Variants in SHROOM2 observed in about 807,000 individuals in gnomAD.
SHROOM2 encodes shroom family member 2.
Under a neutral mutation model 75.9 loss-of-function variants are expected in SHROOM2, and 33 were observed. The observed-to-expected ratio is 0.43, with a 90% CI of 0.33 to 0.58. SHROOM2 has a LOEUF of 0.58. Ranked by LOEUF, SHROOM2 falls within the 20% of genes least tolerant of loss-of-function variation. The probability of loss-of-function intolerance (pLI) is 0.04; values close to 1 mark genes in which losing one functional copy is unlikely to be tolerated. For synonymous variants in SHROOM2, 655 were observed against 663.6 expected (o/e 0.99, Z 0.20); for missense variants, 1,434 against 1,461.2 (o/e 0.98, Z 0.30).
intron 2 of SHROOM2, among the ~76,000 whole-genome samples, chrX:9,889,487 G>A (rs1006978846): frequency 8.9e-6 from 1 of 111,904 alleles, no homozygotes; most frequent in African/African-American, 3.3e-5. Context: ...CCTACCATGA[G>A]GCTGGAGAAG....
chrX:9,804,558 C>T (rs2083741673), intron 1 of SHROOM2, among the ~76,000 whole-genome samples: 1 of 111,633 alleles, frequency 9.0e-6, no homozygotes, highest in South Asian at 3.7e-4. Flanking sequence ...GGGACCTTAC[C>T]ACTTTGTTAT....
intron 1 of SHROOM2, among the ~76,000 whole-genome samples, chrX:9,792,182 G>T (rs769691120): frequency 1.8e-5 from 2 of 108,818 alleles, no homozygotes; most frequent in East Asian, 5.8e-4. Context: ...CTGATACAGG[G>T]AGGGTGTATT....
chrX:9,886,996 C>T (rs945902442), intron 2 of SHROOM2, among the ~76,000 whole-genome samples: 1 of 112,068 alleles, frequency 8.9e-6, no homozygotes, highest in African/African-American at 3.2e-5. Context: ...CATAATGTTC[C>T]GATTTCAACA....
chrX:9,892,037 ATTGT>A (rs1481450650), intron 3 of SHROOM2, among the ~76,000 whole-genome samples: 1 of 110,129 alleles, frequency 9.1e-6, no homozygotes, highest in African/African-American at 3.3e-5. Flanking sequence ...AGGTGGGAAG[ATTGT>A]TTGAGTTCAA....
intron 1 of SHROOM2, among the ~76,000 whole-genome samples, chrX:9,815,694 G>A (rs1569139989): frequency 9.1e-6 from 1 of 109,590 alleles, no homozygotes; most frequent in Non-Finnish European, 1.9e-5. Context: ...GAGCTGGTCC[G>A]AGTCCCAAAA....
intron 6 of SHROOM2, 106 bp downstream of exon 6, chrX:9,932,976 A>G (rs2084666279): frequency 3.1e-6 from 2 of 640,715 alleles, no homozygotes; most frequent in African/African-American, 4.5e-5. Context: ...CTTTAGCTCA[A>G]GGCGTTGGAC....
At chrX:9,884,761 T>C (rs2084251895) in intron 2 of SHROOM2, among the ~76,000 whole-genome samples, 1 of 110,692 alleles carries the variant, frequency 9.0e-6, no homozygotes, top group Non-Finnish European at 1.9e-5. Flanking sequence ...TGAAGTTTGG[T>C]ATACAATCCA....
chrX:9,847,218 C>T (rs1437022562), intron 1 of SHROOM2, among the ~76,000 whole-genome samples: 4 of 112,377 alleles, frequency 3.6e-5, no homozygotes, highest in Non-Finnish European at 7.5e-5. Flanking sequence ...TGTTGTACCA[C>T]AAACTCTATT....
At chrX:9,918,348 A>C (rs1279410864) in intron 5 of SHROOM2, among the ~76,000 whole-genome samples, 5 of 112,518 alleles carry the variant, frequency 4.4e-5, no homozygotes, top group African/African-American at 1.3e-4. Flanking sequence ...ACAGACTTTT[A>C]TTGCTCACAG....
At chrX:9,863,804 G>A in intron 1 of SHROOM2, among the ~76,000 whole-genome samples, 1 of 110,143 alleles carries the variant, frequency 9.1e-6, no homozygotes. Context: ...TACTAATTTT[G>A]TCAACTATGA....
At chrX:9,902,832 C>A (rs994824881) in intron 5 of SHROOM2, among the ~76,000 whole-genome samples, 1 of 111,679 alleles carries the variant, frequency 9.0e-6, no homozygotes, top group African/African-American at 3.3e-5. Context: ...TGTCTTCCTT[C>A]TGTGCCTTCT....
At chrX:9,902,135 A>T (rs1003832212) in intron 5 of SHROOM2, among the ~76,000 whole-genome samples, 5 of 109,768 alleles carry the variant, frequency 4.6e-5, no homozygotes, top group Non-Finnish European at 9.5e-5. Context: ...AAGTGGATGG[A>T]TGGATAGATG....
Position 9,913,095 on chromosome X carries a change from C to T in SHROOM2, c.2891+14805C>T, listed in dbSNP as rs41302635. The T allele has an allele frequency of 9.4e-3, 1,053 of 112,366 alleles. 6 individuals are homozygous for T. Among genetic ancestry groups the T allele is most frequent in the Middle Eastern group, 0.014 (3 of 219 alleles). 9.3% of individuals were successfully genotyped at this position (112,366 alleles called of 1,213,427 possible). On this transcript the variant is annotated intron_variant, in intron 5 of 9. Transcript: ENST00000380913. ...ATGTGAGTTCTGCAGATGGGTTCCC[C>T]GAGGGAGCTGGCTGGAGGACGCCAG...
chrX:9,909,734 T>C (rs1056199018), intron 5 of SHROOM2, among the ~76,000 whole-genome samples: 2 of 112,214 alleles, frequency 1.8e-5, no homozygotes, highest in African/African-American at 6.5e-5. Context: ...TCAAAACTAT[T>C]AAGGTCATCA....
chrX:9,838,122 A>G (rs1485030907), intron 1 of SHROOM2, among the ~76,000 whole-genome samples: 2 of 94,487 alleles, frequency 2.1e-5, no homozygotes, highest in African/African-American at 4.1e-5. Context: ...GTGCAGTGGC[A>G]CGATCTCGGC....
At position 9,932,240 on chromosome X, in the gene SHROOM2, C is replaced by A. The variant is rs1371075217; in HGVS notation, c.2957C>A (p.Ala986Glu). 8.5e-7 allele frequency: 1 copy of A among 1,175,786 alleles called. No homozygotes were observed. Reference protein sequence around the residue: ...GSQQHPPSQKAPNPPTFSELS... With the variant: ...GSQQHPPSQKEPNPPTFSELS... ...CAGCAGCACCCACCGAGTCAGAAGG[C>A]ACCGAACCCACCCACATTCTCTGAA... The change falls in exon 6 of 10, where the codon GCA becomes GAA. Residue 986 changes from alanine to glutamate, a missense_variant. Physicochemically the swap from Ala to Glu is moderately radical, Grantham distance 107 (BLOSUM62 -1). Transcript: ENST00000380913.
rs554155617 is a variant in SHROOM2 at position 9,919,552 on chromosome X, G to C, written c.2892-12623G>C. ...TCACCATGTTGGGCAGGATGGTCTT[G>C]ATCTCCTGACCTCGTGATCTGCCCC... On this transcript the variant is annotated intron_variant, in intron 5 of 9. Coordinates refer to ENST00000380913, the MANE Select transcript of SHROOM2 (RefSeq NM_001649.4). 2.8e-4 allele frequency among the ~76,000 whole-genome samples: 30 copies of C among 108,975 alleles called. No individual in the cohort carries two copies. The East Asian group carries it at 7.5e-3, about 27-fold the overall frequency. 94.6% of individuals were successfully genotyped at this position (108,975 alleles called of 115,157 possible). A position where few individuals can be genotyped will look rare whatever the true frequency, so the allele number is the denominator to read the frequency against.
intron 1 of SHROOM2, among the ~76,000 whole-genome samples, chrX:9,860,262 T>C (rs2084096119): frequency 8.9e-6 from 1 of 111,868 alleles, no homozygotes; most frequent in Non-Finnish European, 1.9e-5. Flanking sequence ...AGGAGCGTGG[T>C]TTGGAGTGTC....
chrX:9,888,876 C>T (rs1226476780), intron 2 of SHROOM2, among the ~76,000 whole-genome samples: 1 of 112,299 alleles, frequency 8.9e-6, no homozygotes, highest in African/African-American at 3.2e-5. Context: ...AGCTAGTAGC[C>T]CAGTTATTCC....
Sources: allele counts gnomAD v4.1 joint callset (sites outside exome capture counted in the v4.1 genomes callset), GRCh38; gene constraint gnomAD v4.1.1; transcripts MANE v1.5; gene names NCBI Gene and HGNC (gene_info 2026-07-23, HGNC 2026-07-21).